The following HAT1 variants were observed in gnomAD, a reference collection of about 807,000 sequenced individuals.
The protein encoded by HAT1 is histone acetyltransferase type B catalytic subunit.
A neutral mutation model predicts 56.6 loss-of-function variants in HAT1; 20 were observed. The ratio of observed to expected loss-of-function variants is 0.35; its 90% CI spans 0.25 to 0.51. The LOEUF (loss-of-function observed/expected upper bound fraction) is 0.51. Ranked by LOEUF, HAT1 falls within the 20% of genes least tolerant of loss-of-function variation. HAT1 has a pLI of 0.95. For missense variants in HAT1, 408 were observed against 504.3 expected (o/e 0.81, Z 1.83); for synonymous variants, 146 against 165.5 (o/e 0.88, Z 0.91).
intron 2 of HAT1, among the ~76,000 whole-genome samples, chr2:171,934,195 A>T (rs1686810279): frequency 1.3e-5 from 2 of 152,208 alleles, no homozygotes; most frequent in South Asian, 4.1e-4. Flanking sequence ...TTAATATAGA[A>T]ATGAGAATGT....
chr2:171,939,136 T>C (rs1686952338), intron 2 of HAT1, among the ~76,000 whole-genome samples: 1 of 152,200 alleles, frequency 6.6e-6, no homozygotes, highest in Non-Finnish European at 1.5e-5. Flanking sequence ...TATTCAAAAA[T>C]GGGTCACGGA....
intron 1 of HAT1, chr2:171,923,435 A>G (rs1046125862): frequency 5.9e-5 from 9 of 152,140 alleles, no homozygotes; most frequent in African/African-American, 2.2e-4. Flanking sequence ...CGGCTAAAAA[A>G]AAACAATTTT....
At chr2:171,975,146 C>T (rs914450319) in intron 8 of HAT1, among the ~76,000 whole-genome samples, 5 of 150,940 alleles carry the variant, frequency 3.3e-5, no homozygotes, top group Non-Finnish European at 5.9e-5. Context: ...ACTCTGTTGC[C>T]CAGGCAGGAG....
chr2:171,961,458 CTG>C (rs1164581946), intron 4 of HAT1, among the ~76,000 whole-genome samples: 2 of 152,086 alleles, frequency 1.3e-5, no homozygotes, highest in Non-Finnish European at 2.9e-5. Context: ...TTTGTATTAA[CTG>C]TGAATTTCAG....
chr2:171,976,695 A>G (rs2105345581), intron 9 of HAT1, among the ~76,000 whole-genome samples: 1 of 152,308 alleles, frequency 6.6e-6, no homozygotes, highest in African/African-American at 2.4e-5. Context: ...CATTTTATAT[A>G]CTTTTATATA....
intron 2 of HAT1, among the ~76,000 whole-genome samples, chr2:171,936,511 AT>A (rs1686876810): frequency 6.6e-6 from 1 of 152,170 alleles, no homozygotes. Flanking sequence ...GGGGTGGGAA[AT>A]TAGATGAGTA....
intron 10 of HAT1, among the ~76,000 whole-genome samples, chr2:171,981,809 A>C (rs965021932): frequency 2.0e-5 from 3 of 152,164 alleles, no homozygotes; most frequent in Admixed American, 6.5e-5. Context: ...TTATTATTTG[A>C]TGTTATCAAT....
chr2:171,966,507 G>A lies in HAT1; in HGVS notation c.710G>A (p.Arg237His), dbSNP rs768376148. 4 of 1,492,414 alleles carry A rather than the reference G, an allele frequency of 2.7e-6. No homozygotes were observed. The highest frequency in any genetic ancestry group is 1.1e-5 in the South Asian group (1 of 88,724). The allele number at this position is 1,492,414 out of a possible 1,614,324, so 92.4% of individuals were successfully genotyped here. The change falls in exon 7 of 11, where the codon CGT becomes CAT. Residue 237 changes from arginine to histidine, a missense_variant. Arg to His is a conservative substitution (Grantham distance 29). Coordinates refer to ENST00000264108, the MANE Select transcript of HAT1 (RefSeq NM_003642.4). Reference protein sequence around the residue: ...YYVYPDKTRPRVSQMLILTPF... With the variant: ...YYVYPDKTRPHVSQMLILTPF... The stretch of plus-strand genomic sequence containing the variant: ...GTGTACCCAGACAAAACCCGGCCAC[G>A]TGTAAGGTAATTGGCAGTATAACAC...
intron 3 of HAT1, among the ~76,000 whole-genome samples, chr2:171,950,370 G>A (rs1451941140): frequency 6.6e-6 from 1 of 151,650 alleles, no homozygotes; most frequent in Admixed American, 6.6e-5. Context: ...TAGTAGAGGC[G>A]GGGTTTTGGC....
At chr2:171,937,115 C>T (rs1356787012) in intron 2 of HAT1, among the ~76,000 whole-genome samples, 1 of 152,052 alleles carries the variant, frequency 6.6e-6, no homozygotes, top group Non-Finnish European at 1.5e-5. Flanking sequence ...CCACCACGCC[C>T]AGTGAATTTT....
At chr2:171,927,948 G>A (rs922570747) in intron 2 of HAT1, among the ~76,000 whole-genome samples, 1 of 151,914 alleles carries the variant, frequency 6.6e-6, no homozygotes. Flanking sequence ...GTGCAATGAC[G>A]CGGTCTTGGC....
chr2:171,929,070 G>C (rs1037590007), intron 2 of HAT1, among the ~76,000 whole-genome samples: 1 of 152,158 alleles, frequency 6.6e-6, no homozygotes, highest in Non-Finnish European at 1.5e-5. Context: ...TAGAATTTTC[G>C]TTATTCCATA....
intron 3 of HAT1, 47 bp downstream of exon 3, chr2:171,946,830 A>T (rs531164719): frequency 3.2e-4 from 270 of 832,904 alleles, no homozygotes; most frequent in Non-Finnish European, 4.8e-4. Flanking sequence ...GGAAAAAAAA[A>T]TTTTCATTCT....
intron 4 of HAT1, 98 bp from the exon 5 acceptor site, chr2:171,965,240 T>G: frequency 1.4e-6 from 1 of 713,252 alleles, no homozygotes; most frequent in African/African-American, 1.8e-5. Context: ...CAACCAAAGT[T>G]TTGTAATTTG....
chr2:171,955,877 T>C (rs903572925), intron 4 of HAT1, among the ~76,000 whole-genome samples: 1 of 151,472 alleles, frequency 6.6e-6, no homozygotes, highest in African/African-American at 2.4e-5. Flanking sequence ...AAACCCCGTC[T>C]CTACTAAAAA....
chr2:171,961,280 AG>A (rs1410501071), intron 4 of HAT1, among the ~76,000 whole-genome samples: 4 of 152,088 alleles, frequency 2.6e-5, no homozygotes, highest in African/African-American at 9.7e-5. Context: ...ATTCCAGCCT[AG>A]GTGACAGAGC....
chr2:171,939,407 G>T (rs1205022331), intron 2 of HAT1, among the ~76,000 whole-genome samples: 1 of 152,182 alleles, frequency 6.6e-6, no homozygotes, highest in African/African-American at 2.4e-5. Context: ...TGAAGTGATA[G>T]ATCAAGTTTG....
Position 171,979,263 on chromosome 2 carries a change from T to C in HAT1, c.992T>C (p.Val331Ala). 6.4e-7 allele frequency: 1 copy of C among 1,561,438 alleles called. No homozygotes were observed. Among genetic ancestry groups the C allele is most frequent in the East Asian group, 2.2e-5 (1 of 44,632 alleles). Residue 331 changes from valine to alanine, a missense_variant, in exon 10 of 11, where the codon GTT becomes GCT. Val to Ala is a moderately conservative substitution (Grantham distance 64, BLOSUM62 0). Transcript: ENST00000264108. ...FKINKQHARR[V>A]YEILRLLVTD... is the part of the protein sequence containing the mutation. Reference sequence around the variant, plus strand: ...TCATTCTAGCAACACGCTAGAAGGGTTTATGAAATTCTTCGACTACTGGTA... The same window carrying C: ...TCATTCTAGCAACACGCTAGAAGGGCTTATGAAATTCTTCGACTACTGGTA...
chr2:171,949,783 G>A (rs943105342), intron 3 of HAT1, among the ~76,000 whole-genome samples: 3 of 152,036 alleles, frequency 2.0e-5, no homozygotes, highest in East Asian at 1.9e-4. Context: ...GATTACAGGC[G>A]TGAACCACCG....
Sources: gnomAD v4.1 joint callset for allele counts (sites outside exome capture counted in the v4.1 genomes callset) on GRCh38, gnomAD v4.1.1 for gene constraint, MANE v1.5 for transcripts, NCBI Gene and HGNC (gene_info 2026-07-23, HGNC 2026-07-21) for gene names.